The following SGCZ variants were observed in gnomAD, a reference collection of about 807,000 sequenced individuals.
SGCZ encodes the protein sarcoglycan zeta.
Under a neutral mutation model 41.3 loss-of-function variants are expected in SGCZ, and 40 were observed. The ratio of observed to expected loss-of-function variants is 0.97; its 90% confidence interval spans 0.75 to 1.26. The LOEUF (loss-of-function observed/expected upper bound fraction) is 1.26, where lower values mean the gene tolerates loss of function less well. SGCZ is among the 50% of genes most tolerant of loss of function. The probability of loss-of-function intolerance (pLI) is 0.00; values close to 1 mark genes in which losing one functional copy is unlikely to be tolerated. For missense variants in SGCZ, 552 were observed against 369.8 expected (o/e 1.49, Z -4.04); for synonymous variants, 206 against 137.5 (o/e 1.50, Z -3.49).
intron 7 of SGCZ, among the ~76,000 whole-genome samples, chr8:14,095,031 T>G (rs1292259528): frequency 6.6e-6 from 1 of 152,188 alleles, no homozygotes; most frequent in African/African-American, 2.4e-5. Context: ...ATTAGCCCTT[T>G]GTCAGATGGG....
At chr8:14,328,623 T>C (rs1461839744) in intron 2 of SGCZ, among the ~76,000 whole-genome samples, 1 of 152,222 alleles carries the variant, frequency 6.6e-6, no homozygotes, top group Non-Finnish European at 1.5e-5. Flanking sequence ...TAAAAACTCA[T>C]GTTATTTTAA....
intron 1 of SGCZ, among the ~76,000 whole-genome samples, chr8:14,948,119 T>C (rs1253326419): frequency 6.6e-6 from 1 of 152,168 alleles, no homozygotes; most frequent in Non-Finnish European, 1.5e-5. Context: ...TATTCTTTTC[T>C]TTAAGCAGAA....
chr8:14,219,818 C>T (rs1214032754), intron 4 of SGCZ, among the ~76,000 whole-genome samples: 1 of 148,852 alleles, frequency 6.7e-6, no homozygotes, highest in Admixed American at 6.8e-5. Flanking sequence ...TGACCTCTTG[C>T]CAACCGACTA....
At chr8:14,348,191 C>CA (rs1270595858) in intron 2 of SGCZ, among the ~76,000 whole-genome samples, 5 of 152,210 alleles carry the variant, frequency 3.3e-5, no homozygotes, top group Admixed American at 2.6e-4. Flanking sequence ...TGGAACAAGA[C>CA]ATGCAGACCT....
chr8:15,088,293 T>G (rs1806024396), intron 1 of SGCZ, among the ~76,000 whole-genome samples: 1 of 152,160 alleles, frequency 6.6e-6, no homozygotes, highest in Non-Finnish European at 1.5e-5. Flanking sequence ...CATAAGAATA[T>G]GTCCTTTAAA....
At chr8:14,124,786 C>A (rs1239404712) in intron 5 of SGCZ, among the ~76,000 whole-genome samples, 1 of 152,026 alleles carries the variant, frequency 6.6e-6, no homozygotes, top group Admixed American at 6.6e-5. Flanking sequence ...TTGAAATAAC[C>A]TAGCTACAAA....
chr8:14,790,223 G>A lies in SGCZ; in HGVS notation c.40-235297C>T, dbSNP rs575126295. Reference sequence around the variant, plus strand: ...CTGTCCTTAAATATATCATTTACACGACATAGATACCAAAGACCAAAAAGT... The same window carrying A: ...CTGTCCTTAAATATATCATTTACACAACATAGATACCAAAGACCAAAAAGT... On this transcript the variant is annotated intron_variant, in intron 1 of 7. Transcript: ENST00000382080. 2.0e-3 allele frequency among the ~76,000 whole-genome samples: 306 copies of A among 152,172 alleles called. 1 individual carries two copies. Among genetic ancestry groups the A allele is most frequent in the Non-Finnish European group, 2.6e-3 (176 of 68,002 alleles).
chr8:15,120,179 A>C (rs1807426810), intron 1 of SGCZ, among the ~76,000 whole-genome samples: 1 of 152,190 alleles, frequency 6.6e-6, no homozygotes, highest in Non-Finnish European at 1.5e-5. Flanking sequence ...TGTTTCACTG[A>C]TCCTGCCAAT....
chr8:15,155,514 T>G (rs35621254), intron 1 of SGCZ, among the ~76,000 whole-genome samples: 32,208 of 152,026 alleles, frequency 0.21, 3,775 homozygotes, highest in East Asian at 0.47. Flanking sequence ...GCACAACAGA[T>G]GTATTCACAA....
chr8:14,244,616 C>A, intron 3 of SGCZ, among the ~76,000 whole-genome samples: 1 of 150,858 alleles, frequency 6.6e-6, no homozygotes, highest in Non-Finnish European at 1.5e-5. Context: ...GTAGTTTTTT[C>A]CAATTCTGTG....
chr8:14,756,988 T>C (rs1563249279), intron 1 of SGCZ, among the ~76,000 whole-genome samples: 1 of 152,122 alleles, frequency 6.6e-6, no homozygotes, highest in Admixed American at 6.5e-5. Flanking sequence ...TAACCACAAG[T>C]CCCAATCACG....
chr8:14,836,667 C>A (rs1466477698), intron 1 of SGCZ, among the ~76,000 whole-genome samples: 1 of 152,048 alleles, frequency 6.6e-6, no homozygotes, highest in African/African-American at 2.4e-5. Flanking sequence ...CCAGGTAATT[C>A]TTTTAGTATT....
At chr8:14,322,416 C>T (rs1398284457) in intron 3 of SGCZ, among the ~76,000 whole-genome samples, 1 of 152,206 alleles carries the variant, frequency 6.6e-6, no homozygotes, top group East Asian at 1.9e-4. Flanking sequence ...GCGCAAGTGG[C>T]TCCACCTCAC....
chr8:14,182,431 G>A (rs1804758851), intron 4 of SGCZ, among the ~76,000 whole-genome samples: 1 of 152,106 alleles, frequency 6.6e-6, no homozygotes, highest in Non-Finnish European at 1.5e-5. Context: ...TTTAGAGACA[G>A]GAGGCAGCGA....
At chr8:14,129,074 T>C (rs1265297119) in intron 5 of SGCZ, among the ~76,000 whole-genome samples, 2 of 151,926 alleles carry the variant, frequency 1.3e-5, no homozygotes, top group Admixed American at 6.6e-5. Flanking sequence ...GGGTCGGGCA[T>C]GGTGGCTCAT....
At chr8:14,233,158 T>C (rs570421346) in intron 4 of SGCZ, among the ~76,000 whole-genome samples, 16 of 152,166 alleles carry the variant, frequency 1.1e-4, no homozygotes, top group South Asian at 8.3e-4. Flanking sequence ...TTTCTGAATT[T>C]ATCCTCCTTT....
intron 2 of SGCZ, among the ~76,000 whole-genome samples, chr8:14,424,344 C>T (rs1799718027): frequency 6.6e-6 from 1 of 152,050 alleles, no homozygotes. Flanking sequence ...TTAAAAAACA[C>T]AATATATCCA....
At chr8:14,574,796 T>C (rs1272758808) in intron 1 of SGCZ, among the ~76,000 whole-genome samples, 1 of 152,196 alleles carries the variant, frequency 6.6e-6, no homozygotes, top group Admixed American at 6.5e-5. Flanking sequence ...GGAAAGAATT[T>C]ACCCACTACA....
At chr8:14,884,294 C>T (rs1016067333) in intron 1 of SGCZ, among the ~76,000 whole-genome samples, 4 of 152,010 alleles carry the variant, frequency 2.6e-5, no homozygotes, top group Non-Finnish European at 2.9e-5. Flanking sequence ...TTTGATGCAC[C>T]TTATTGGGCT....
Sources: gnomAD v4.1 joint callset for allele counts (sites outside exome capture counted in the v4.1 genomes callset) on GRCh38, gnomAD v4.1.1 for gene constraint, MANE v1.5 for transcripts, NCBI Gene and HGNC (gene_info 2026-07-23, HGNC 2026-07-21) for gene names.